MTCL3: variants seen among roughly 807,000 people sequenced by gnomAD.
MTCL3 encodes the protein MTCL family member 3.
At chr6:127,496,481 T>C in the MTCL3 span, among the ~76,000 whole-genome samples, 237 of 152,330 alleles carry the variant, frequency 1.6e-3, 2 homozygotes, top group Middle Eastern at 0.014. Flanking sequence ...ACAGAAGGAT[T>C]TGACATGCAG....
At chr6:127,473,645 T>C in the MTCL3 span, among the ~76,000 whole-genome samples, 1 of 152,190 alleles carries the variant, frequency 6.6e-6, no homozygotes, top group Non-Finnish European at 1.5e-5. Flanking sequence ...ACGATATTTT[T>C]CATAGCAAAG....
chr6:127,487,276 C>A, the MTCL3 span, among the ~76,000 whole-genome samples: 3 of 152,170 alleles, frequency 2.0e-5, no homozygotes, highest in Non-Finnish European at 4.4e-5. Flanking sequence ...TATTTCTGAG[C>A]ATATCCTTTA....
chr6:127,499,794 C>T, the MTCL3 span, among the ~76,000 whole-genome samples: 3 of 152,108 alleles, frequency 2.0e-5, no homozygotes, highest in East Asian at 3.9e-4. Context: ...TGGGTTTGGC[C>T]AATAGAAGGC....
the MTCL3 span, chr6:127,481,601 TCAC>T: frequency 2.3e-6 from 1 of 440,476 alleles, no homozygotes. Context: ...ATATTTAAAA[TCAC>T]TTTAGTTAAA....
At chr6:127,483,107 C>A in the MTCL3 span, 1 of 723,064 alleles carries the variant, frequency 1.4e-6, no homozygotes, top group Non-Finnish European at 2.1e-6. Context: ...GTTCAATAAT[C>A]ATAAAAGGAG....
At chr6:127,473,139 T>A in the MTCL3 span, 3 of 1,217,254 alleles carry the variant, frequency 2.5e-6, no homozygotes, top group East Asian at 7.1e-5. Context: ...ATGAGTTGTA[T>A]CTTTTTAAAG....
chr6:127,482,201 G>A, the MTCL3 span, among the ~76,000 whole-genome samples: 1 of 152,078 alleles, frequency 6.6e-6, no homozygotes, highest in Non-Finnish European at 1.5e-5. This position sits in a 1 kb window ranked among gnomAD's most constrained non-coding sequence, Gnocchi z 4.1. Flanking sequence ...GGCTCGCCCT[G>A]AATTTTTTCT....
the MTCL3 span, among the ~76,000 whole-genome samples, chr6:127,478,655 A>G: frequency 6.6e-6 from 1 of 152,126 alleles, no homozygotes; most frequent in Admixed American, 6.5e-5. Flanking sequence ...CGTGTGGATG[A>G]GATGTGTAGA....
chr6:127,496,697 G>C, the MTCL3 span, among the ~76,000 whole-genome samples: 1 of 152,094 alleles, frequency 6.6e-6, no homozygotes, highest in African/African-American at 2.4e-5. Flanking sequence ...TGAGTGAATA[G>C]ATAAAATATG....
the MTCL3 span, among the ~76,000 whole-genome samples, chr6:127,502,015 T>G: frequency 6.6e-6 from 1 of 152,216 alleles, no homozygotes; most frequent in Non-Finnish European, 1.5e-5. Context: ...ACAAAAGAAC[T>G]GAGTAAATTA....
the MTCL3 span, among the ~76,000 whole-genome samples, chr6:127,494,374 A>T: frequency 6.6e-6 from 1 of 151,218 alleles, no homozygotes; most frequent in African/African-American, 2.4e-5. Context: ...CAGAAAGAAG[A>T]AAAAAAAATA....
chr6:127,514,484 G>A, the MTCL3 span, among the ~76,000 whole-genome samples: 144 of 152,348 alleles, frequency 9.5e-4, 1 homozygote, highest in African/African-American at 3.2e-3. Context: ...TAGACAGACT[G>A]AAGGGCAGAT....
chr6:127,512,404 G>C, the MTCL3 span, among the ~76,000 whole-genome samples: 7 of 152,144 alleles, frequency 4.6e-5, no homozygotes, highest in Non-Finnish European at 7.4e-5. Context: ...GCAAGCATTA[G>C]AACATTGCGG....
At chr6:127,476,573 G>T in the MTCL3 span, 2 of 893,392 alleles carry the variant, frequency 2.2e-6, no homozygotes, top group Non-Finnish European at 3.3e-6. This position sits in a 1 kb window ranked among gnomAD's most constrained non-coding sequence, Gnocchi z 4.4. Flanking sequence ...TTGCAATCCA[G>T]ATTTAATGAC....
chr6:127,483,368 G>A, the MTCL3 span, among the ~76,000 whole-genome samples: 1 of 152,208 alleles, frequency 6.6e-6, no homozygotes, highest in African/African-American at 2.4e-5. Flanking sequence ...AATGTTGGGA[G>A]TTAGGTTGCT....
the MTCL3 span, among the ~76,000 whole-genome samples, chr6:127,511,887 G>T: frequency 6.6e-6 from 1 of 152,128 alleles, no homozygotes; most frequent in East Asian, 1.9e-4. Flanking sequence ...GTACCATTTT[G>T]AGATAAGCAC....
the MTCL3 span, among the ~76,000 whole-genome samples, chr6:127,500,362 C>A: frequency 2.0e-5 from 3 of 151,976 alleles, no homozygotes; most frequent in Admixed American, 6.5e-5. Context: ...AGGCTATTTT[C>A]AAAAATACAA....
chr6:127,499,594 GT>G, the MTCL3 span, among the ~76,000 whole-genome samples: 2 of 152,150 alleles, frequency 1.3e-5, no homozygotes, highest in African/African-American at 4.8e-5. Flanking sequence ...AGAGTAAAAG[GT>G]CTGTATGTTC....
At chr6:127,515,606 G>C in the MTCL3 span, 10 of 1,424,328 alleles carry the variant, frequency 7.0e-6, no homozygotes, top group Non-Finnish European at 9.1e-6. This position sits in a 1 kb window ranked among gnomAD's most constrained non-coding sequence, Gnocchi z 4.3. Context: ...TGCGACGAAG[G>C]GGGCGCTGCC....
Sources: gnomAD v4.1 joint callset for allele counts (sites outside exome capture counted in the v4.1 genomes callset) on GRCh38, gnomAD v4.1.1 for gene constraint, Gnocchi (gnomAD v3.1) non-coding constraint, MANE v1.5 for transcripts, NCBI Gene and HGNC (gene_info 2026-07-23, HGNC 2026-07-21) for gene names.